CHCHD6: variants seen among roughly 807,000 people sequenced by gnomAD.
CHCHD6 encodes the protein coiled-coil-helix-coiled-coil-helix domain containing 6.
CHCHD6 carries 28 observed loss-of-function variants against 32.3 expected under a neutral mutation model. That is an observed-to-expected ratio of 0.87 (90% CI 0.64 to 1.19). The LOEUF is 1.19. Among genes scored for constraint, CHCHD6 ranks in the 50% most tolerant of loss-of-function variants. CHCHD6 has a pLI of 0.00. For missense variants in CHCHD6, 333 were observed against 307.0 expected, an observed-to-expected ratio of 1.08 and a Z score of -0.63; for synonymous variants, 122 against 117.5, an observed-to-expected ratio of 1.04 and a Z score of -0.25.
At chr3:126,883,411 A>G (rs2077637774) in intron 5 of CHCHD6, among the ~76,000 whole-genome samples, 1 of 152,174 alleles carries the variant, frequency 6.6e-6, no homozygotes, top group African/African-American at 2.4e-5. Context: ...TGGTGTCGCA[A>G]TAGAATTGGA....
intron 4 of CHCHD6, among the ~76,000 whole-genome samples, chr3:126,787,392 T>C (rs1293966358): frequency 3.9e-5 from 6 of 152,256 alleles, no homozygotes; most frequent in Non-Finnish European, 5.9e-5. Context: ...GGGGATGGCA[T>C]TGAATCTATA....
intron 4 of CHCHD6, among the ~76,000 whole-genome samples, chr3:126,768,981 G>A (rs1457964060): frequency 6.6e-6 from 1 of 152,192 alleles, no homozygotes; most frequent in African/African-American, 2.4e-5. Context: ...CTCCCATTTT[G>A]TAGGTCGCAC....
chr3:126,901,463 G>A (rs1264130794), intron 5 of CHCHD6, among the ~76,000 whole-genome samples: 6 of 152,188 alleles, frequency 3.9e-5, no homozygotes, highest in Non-Finnish European at 1.5e-5. Context: ...TGGAGCTGTA[G>A]TCCACTTCTC....
intron 1 of CHCHD6, among the ~76,000 whole-genome samples, chr3:126,726,468 C>T (rs1335973059): frequency 1.3e-5 from 2 of 152,080 alleles, no homozygotes; most frequent in East Asian, 3.8e-4. Context: ...CAAAACATGA[C>T]TGAGAGACAC....
intron 1 of CHCHD6, among the ~76,000 whole-genome samples, chr3:126,711,142 C>G (rs1163987202): frequency 6.6e-6 from 1 of 151,978 alleles, no homozygotes; most frequent in African/African-American, 2.4e-5. Context: ...CCTTTTTTCC[C>G]TTTATAAGCT....
intron 5 of CHCHD6, among the ~76,000 whole-genome samples, chr3:126,897,355 T>C (rs1257587045): frequency 6.6e-6 from 1 of 152,236 alleles, no homozygotes; most frequent in African/African-American, 2.4e-5. Context: ...TTTCTTCTTT[T>C]GGATTAATAT....
chr3:126,778,162 A>G lies in CHCHD6; in HGVS notation c.411+44940A>G, dbSNP rs565871007. On this transcript the variant is annotated intron_variant, in intron 4 of 7. Transcript: ENST00000290913. ...TGGCCATATCACATTTTATATATCC[A>G]TTAACCAGTTGATGGATATTTGGGC... Among the ~76,000 whole-genome samples the G allele has an allele frequency of 2.6e-5, 4 of 152,366 alleles. No homozygotes were observed. In the South Asian group the frequency reaches 6.2e-4, roughly 24 times the overall value.
At chr3:126,930,646 G>C (rs886745792) in intron 6 of CHCHD6, among the ~76,000 whole-genome samples, 1 of 152,224 alleles carries the variant, frequency 6.6e-6, no homozygotes, top group South Asian at 2.1e-4. Flanking sequence ...GTGGAGTTTG[G>C]TTGGTAACTC....
At chr3:126,934,523 C>G (rs1237139672) in intron 6 of CHCHD6, among the ~76,000 whole-genome samples, 1 of 148,802 alleles carries the variant, frequency 6.7e-6, no homozygotes, top group African/African-American at 2.5e-5. Flanking sequence ...TGGAATGCAC[C>G]CTCCCCTCTC....
chr3:126,904,109 C>T (rs1194790184), intron 5 of CHCHD6, among the ~76,000 whole-genome samples: 1 of 152,204 alleles, frequency 6.6e-6, no homozygotes, highest in African/African-American at 2.4e-5. Context: ...TCTCTGAACA[C>T]TTTTTCTGTT....
At chr3:126,790,058 G>A (rs1025797285) in intron 4 of CHCHD6, among the ~76,000 whole-genome samples, 54 of 151,982 alleles carry the variant, frequency 3.6e-4, no homozygotes, top group African/African-American at 1.1e-3. Context: ...TGTCTGTAAA[G>A]GATTTTATTT....
chr3:126,930,650 G>T (rs532684203), intron 6 of CHCHD6, among the ~76,000 whole-genome samples: 30 of 152,304 alleles, frequency 2.0e-4, no homozygotes, highest in Non-Finnish European at 4.1e-4. Context: ...AGTTTGGTTG[G>T]TAACTCCCTC....
chr3:126,799,296 C>CA (rs1321591210), intron 4 of CHCHD6, among the ~76,000 whole-genome samples: 1 of 152,170 alleles, frequency 6.6e-6, no homozygotes, highest in African/African-American at 2.4e-5. Flanking sequence ...GTACTTGCAA[C>CA]AGACAGTTGT....
chr3:126,889,953 G>A (rs1211717888), intron 5 of CHCHD6, among the ~76,000 whole-genome samples: 1 of 150,904 alleles, frequency 6.6e-6, no homozygotes, highest in Non-Finnish European at 1.5e-5. Context: ...CAAAGGGGCT[G>A]GACCAGCAGC....
chr3:126,909,095 G>C (rs865960570), intron 5 of CHCHD6, among the ~76,000 whole-genome samples: 2 of 152,192 alleles, frequency 1.3e-5, no homozygotes, highest in Non-Finnish European at 2.9e-5. Context: ...CTTCTCTCCC[G>C]TGGCGCCCAG....
At position 126,704,292 on chromosome 3, in the gene CHCHD6, C is replaced by A. The variant is rs747308398; in HGVS notation, c.-21C>A. On this transcript the variant is annotated 5_prime_UTR_variant, in exon 1 of 8. Coordinates refer to ENST00000290913, the MANE Select transcript of CHCHD6 (RefSeq NM_032343.3). ...AGCCGGGTCTCGGGTCTGGTGGCTG[C>A]CGGCCCTGCGGCATCTCGCCATGGG... 1 of 1,595,582 alleles carries A rather than the reference C, an allele frequency of 6.3e-7. No individual in the cohort carries two copies. The highest frequency in any genetic ancestry group is 8.5e-7 in the Non-Finnish European group (1 of 1,171,740).
intron 1 of CHCHD6, among the ~76,000 whole-genome samples, chr3:126,714,308 T>C (rs1047689876): frequency 6.6e-6 from 1 of 152,112 alleles, no homozygotes; most frequent in Non-Finnish European, 1.5e-5. Flanking sequence ...TTGTTTTATT[T>C]GTTTCCACCA....
intron 4 of CHCHD6, among the ~76,000 whole-genome samples, chr3:126,755,224 C>T (rs1163762045): frequency 6.6e-6 from 1 of 152,190 alleles, no homozygotes; most frequent in East Asian, 1.9e-4. Context: ...GCTCTGTCTT[C>T]AGTCGGGAGG....
intron 4 of CHCHD6, among the ~76,000 whole-genome samples, chr3:126,789,718 C>G (rs1938423245): frequency 6.6e-6 from 1 of 152,116 alleles, no homozygotes. Flanking sequence ...CTATATGTGT[C>G]TCTGCACGTG....
Sources: gnomAD v4.1 joint callset for allele counts (sites outside exome capture counted in the v4.1 genomes callset) on GRCh38, gnomAD v4.1.1 for gene constraint, MANE v1.5 for transcripts, NCBI Gene and HGNC (gene_info 2026-07-23, HGNC 2026-07-21) for gene names.